NAALADL2: variants seen among roughly 807,000 people sequenced by gnomAD.
NAALADL2 encodes inactive N-acetylated-alpha-linked acidic dipeptidase-like protein 2.
A neutral mutation model predicts 87.2 loss-of-function variants in NAALADL2; 76 were observed. The observed-to-expected ratio is 0.87, with a 90% CI of 0.72 to 1.05. NAALADL2 has a LOEUF of 1.05. Among genes scored for constraint, NAALADL2 ranks in the 50% least tolerant of loss-of-function variants. NAALADL2 has a pLI of 0.00. For synonymous variants in NAALADL2, 354 were observed against 331.0 expected, an observed-to-expected ratio of 1.07 and a Z score of -0.75; for missense variants, 1,089 against 945.8, an observed-to-expected ratio of 1.15 and a Z score of -1.99.
Position 175,667,161 on chromosome 3 carries a change from A to AAAAG in NAALADL2, c.1896+39793_1896+39796dup, listed in dbSNP as rs1285556271. On this transcript the variant is annotated intron_variant, in intron 11 of 13. Coordinates refer to ENST00000454872, the MANE Select transcript of NAALADL2 (RefSeq NM_207015.3). The stretch of plus-strand genomic sequence containing the variant: ...AAAGAAAGAGAGAGAGAGAGAAAGA[A>AAAAG]AAAGAAAGAAAGAAAGAAAGAGAAA... Among the ~76,000 whole-genome samples, 194 of 142,646 alleles carry AAAAG rather than the reference A, an allele frequency of 1.4e-3. 1 individual carries two copies. Among genetic ancestry groups the AAAAG allele is most frequent in the African/African-American group, 4.9e-3 (172 of 35,316 alleles). 93.6% of individuals were successfully genotyped at this position (142,646 alleles called of 152,430 possible). A position where few individuals can be genotyped will look rare whatever the true frequency, so the allele number is the denominator to read the frequency against.
At position 175,702,471 on chromosome 3, in the gene NAALADL2, G is replaced by GA. The variant is rs199708295; in HGVS notation, c.1897-34826dup. Among the ~76,000 whole-genome samples, 628 of 149,616 alleles carry GA rather than the reference G, an allele frequency of 4.2e-3. 2 individuals are homozygous for GA. Among genetic ancestry groups the GA allele is most frequent in the African/African-American group, 0.014 (591 of 40,844 alleles). ...GACTTACTAGGCTTTAGGGAAGACAGAAAAAAAAACTAAAAAAGAATCACT... is the reference window on the plus strand; with the variant it reads ...GACTTACTAGGCTTTAGGGAAGACAGAAAAAAAAAACTAAAAAAGAATCACT... On this transcript the variant is annotated intron_variant, in intron 11 of 13. Transcript: ENST00000454872.
rs1307163629 is a variant in NAALADL2 at position 175,423,036 on chromosome 3, T to A, written c.1091-24193T>A. Among the ~76,000 whole-genome samples the A allele has an allele frequency of 1.9e-3, 189 of 99,570 alleles. 2 individuals carry two copies. The highest frequency in any genetic ancestry group is 0.011 in the Middle Eastern group (2 of 188). 65.3% of individuals were successfully genotyped at this position (99,570 alleles called of 152,430 possible). A position where few individuals can be genotyped will look rare whatever the true frequency, so the allele number is the denominator to read the frequency against. On this transcript the variant is annotated intron_variant, in intron 5 of 13. Transcript: ENST00000454872. ...TCCTTAAGAAAAAAAAAAATATATATATATATATATATATATTTTTTTTTT... is the reference window on the plus strand; with the variant it reads ...TCCTTAAGAAAAAAAAAAATATATAAATATATATATATATATTTTTTTTTT...
chr3:174,961,938 C>G (rs1742063464), intron 1 of NAALADL2, among the ~76,000 whole-genome samples: 1 of 151,926 alleles, frequency 6.6e-6, no homozygotes. Context: ...TGTCTACTCC[C>G]CTGCAACACT....
intron 1 of NAALADL2, among the ~76,000 whole-genome samples, chr3:175,078,472 G>C (rs1292024625): frequency 6.6e-6 from 1 of 152,054 alleles, no homozygotes; most frequent in Non-Finnish European, 1.5e-5. Flanking sequence ...TGTGCAATTT[G>C]ATGGTTTTTA....
At chr3:175,774,863 TAATAA>T (rs1350445644) in intron 13 of NAALADL2, 3 of 152,150 alleles carry the variant, frequency 2.0e-5, no homozygotes, top group Admixed American at 6.6e-5. Context: ...ATTCAGCAAA[TAATAA>T]AATGACTTCA....
intron 3 of NAALADL2, among the ~76,000 whole-genome samples, chr3:174,776,765 T>C (rs1715262635): frequency 6.6e-6 from 1 of 152,164 alleles, no homozygotes; most frequent in African/African-American, 2.4e-5. Flanking sequence ...ATGGTGGCAG[T>C]GTGATAAAAT....
At chr3:175,567,599 A>G (rs1717381524) in intron 9 of NAALADL2, among the ~76,000 whole-genome samples, 1 of 152,204 alleles carries the variant, frequency 6.6e-6, no homozygotes, top group African/African-American at 2.4e-5. Context: ...ATTTTTCACT[A>G]AAGCTGAAAA....
chr3:175,762,234 ATTGT>A (rs1472851750), intron 13 of NAALADL2, among the ~76,000 whole-genome samples: 2 of 105,982 alleles, frequency 1.9e-5, no homozygotes, highest in Non-Finnish European at 3.6e-5. Flanking sequence ...TTGTTCCAGC[ATTGT>A]TTGTTAAGAC....
At chr3:175,008,463 A>G (rs1749335953) in intron 1 of NAALADL2, among the ~76,000 whole-genome samples, 1 of 152,172 alleles carries the variant, frequency 6.6e-6, no homozygotes, top group Non-Finnish European at 1.5e-5. Context: ...ACACTTAACT[A>G]AAACTGTGGG....
chr3:175,718,124 T>G, intron 11 of NAALADL2: 1 of 956,480 alleles, frequency 1.0e-6, no homozygotes, highest in South Asian at 1.9e-5. Context: ...ACAAGACGTA[T>G]CTAGAAAATT....
intron 6 of NAALADL2, chr3:175,460,313 T>C (rs745447877): frequency 9.9e-6 from 4 of 405,240 alleles, no homozygotes; most frequent in Admixed American, 8.7e-5. Flanking sequence ...TGGAATAATA[T>C]AAAACAATAT....
At chr3:175,325,636 A>C (rs1194879360) in intron 5 of NAALADL2, among the ~76,000 whole-genome samples, 1 of 152,098 alleles carries the variant, frequency 6.6e-6, no homozygotes, top group Non-Finnish European at 1.5e-5. Context: ...GCTCTAACCT[A>C]AGTTGGTAAG....
chr3:175,651,125 A>G (rs902538692), intron 11 of NAALADL2, among the ~76,000 whole-genome samples: 2 of 152,166 alleles, frequency 1.3e-5, no homozygotes, highest in African/African-American at 4.8e-5. Flanking sequence ...AAATTTTTTT[A>G]GTATTGTGTA....
At chr3:175,786,970 C>T (rs912598210) in intron 13 of NAALADL2, among the ~76,000 whole-genome samples, 15 of 152,054 alleles carry the variant, frequency 9.9e-5, no homozygotes, top group Middle Eastern at 3.4e-3. Context: ...AATACCCTGC[C>T]ATGTGAGGTG....
chr3:175,024,040 T>A (rs946993393), intron 1 of NAALADL2, among the ~76,000 whole-genome samples: 1 of 152,038 alleles, frequency 6.6e-6, no homozygotes, highest in African/African-American at 2.4e-5. Context: ...TTGATCATAT[T>A]TATTTTAATT....
At chr3:175,402,488 TAA>T (rs1370404992) in intron 5 of NAALADL2, among the ~76,000 whole-genome samples, 2 of 152,084 alleles carry the variant, frequency 1.3e-5, no homozygotes, top group African/African-American at 4.8e-5. Flanking sequence ...TACACAAATA[TAA>T]GTTAGTGAAC....
At chr3:175,702,481 C>G (rs923728774) in intron 11 of NAALADL2, among the ~76,000 whole-genome samples, 13 of 151,716 alleles carry the variant, frequency 8.6e-5, no homozygotes, top group Non-Finnish European at 1.2e-4. Flanking sequence ...GAAAAAAAAA[C>G]TAAAAAAGAA....
chr3:175,449,727 T>C (rs951249925), intron 6 of NAALADL2, among the ~76,000 whole-genome samples: 1 of 152,130 alleles, frequency 6.6e-6, no homozygotes, highest in African/African-American at 2.4e-5. Context: ...ATAATGTCCT[T>C]GCAAAGCAAG....
At chr3:175,577,505 G>A (rs1239915144) in intron 10 of NAALADL2, among the ~76,000 whole-genome samples, 1 of 152,146 alleles carries the variant, frequency 6.6e-6, no homozygotes, top group Non-Finnish European at 1.5e-5. Context: ...GATCTGAGGT[G>A]TTAATAGGGA....
Sources: gnomAD v4.1 joint callset for allele counts (sites outside exome capture counted in the v4.1 genomes callset) on GRCh38, gnomAD v4.1.1 for gene constraint, MANE v1.5 for transcripts, NCBI Gene and HGNC (gene_info 2026-07-23, HGNC 2026-07-21) for gene names.